The following WDR93 variants were observed in gnomAD, a reference collection of about 807,000 sequenced individuals.
WDR93 encodes the protein WD repeat domain 93.
Under a neutral mutation model 82.9 loss-of-function variants are expected in WDR93, and 73 were observed. The observed-to-expected ratio is 0.88, with a 90% CI of 0.73 to 1.07. The LOEUF is 1.07. Ranked by LOEUF, WDR93 falls within the 50% of genes least tolerant of loss-of-function variation. WDR93 has a pLI of 0.00. For missense variants in WDR93, 738 were observed against 826.0 expected (o/e 0.89, Z 1.31); for synonymous variants, 283 against 300.1 (o/e 0.94, Z 0.59).
chr15:89,723,929 G>A (rs1470136514), intron 8 of WDR93, among the ~76,000 whole-genome samples: 5 of 152,178 alleles, frequency 3.3e-5, no homozygotes, highest in African/African-American at 1.2e-4. Context: ...CCGGTGCAGT[G>A]GCTTATGTCT....
intron 6 of WDR93, among the ~76,000 whole-genome samples, chr15:89,715,461 A>G (rs1274660206): frequency 6.6e-6 from 1 of 152,148 alleles, no homozygotes. Context: ...ATTTTTCCAG[A>G]CTATGGTATA....
chr15:89,740,484 G>T (rs1967575186), intron 16 of WDR93, among the ~76,000 whole-genome samples: 1 of 151,996 alleles, frequency 6.6e-6, no homozygotes, highest in East Asian at 1.9e-4. Context: ...TCTTCACAGG[G>T]AGGGTTTTTG....
At chr15:89,704,311 GA>G (rs1255634948) in intron 3 of WDR93, 1 of 152,024 alleles carries the variant, frequency 6.6e-6, no homozygotes, top group East Asian at 1.9e-4. Context: ...ATGGGTGACA[GA>G]ATGAGACTCC....
intron 11 of WDR93, among the ~76,000 whole-genome samples, chr15:89,731,024 C>T (rs561283644): frequency 1.1e-4 from 16 of 152,238 alleles, no homozygotes; most frequent in African/African-American, 2.9e-4. Context: ...TCTTTTCTTC[C>T]GTCCCTTTCC....
intron 4 of WDR93, among the ~76,000 whole-genome samples, chr15:89,707,579 C>T (rs182037512): frequency 6.6e-6 from 1 of 151,560 alleles, no homozygotes; most frequent in African/African-American, 2.4e-5. Context: ...GACACAGACA[C>T]ACACACACAA....
intron 8 of WDR93, among the ~76,000 whole-genome samples, chr15:89,726,411 G>A (rs954391050): frequency 2.0e-5 from 3 of 152,166 alleles, no homozygotes; most frequent in African/African-American, 7.2e-5. Flanking sequence ...TGTATCATAC[G>A]ATATTATGTG....
intron 1 of WDR93, among the ~76,000 whole-genome samples, chr15:89,698,480 G>A (rs185816174): frequency 3.9e-5 from 6 of 152,050 alleles, no homozygotes; most frequent in African/African-American, 9.7e-5. Context: ...TGTTTGTCCC[G>A]TCTGTTCCTT....
At chr15:89,690,738 G>A (rs8029037), upstream of WDR93, 2 of 745,678 alleles carry the variant, frequency 2.7e-6, no homozygotes, top group Admixed American at 2.6e-5. Context: ...CGCTGAGGGG[G>A]AGGGGCTGAG....
In WDR93 at chr15:89,727,237, A is replaced by T. The variant is rs141771457; in HGVS notation, c.961A>T (p.Ile321Phe). The T allele has an allele frequency of 1.9e-5, 30 of 1,614,186 alleles. No homozygotes were observed. In the African/African-American group the frequency reaches 3.9e-4, roughly 21 times the overall value. Residue 321 changes from isoleucine to phenylalanine, a missense_variant, in exon 9 of 17, where the codon ATC becomes TTC. Physicochemically the swap from Ile to Phe is conservative, Grantham distance 21. Coordinates refer to ENST00000268130, the MANE Select transcript of WDR93 (RefSeq NM_020212.2). ...ACTGGGCTCCGGGCAGAATCATTTC[A>T]TCAAGGACAGTCAGTGGGAGCAGCA... ...YGLGSGQNHF[I>F]KDSQWEQQAE...
intron 1 of WDR93, among the ~76,000 whole-genome samples, chr15:89,698,157 T>C (rs1268750309): frequency 6.6e-6 from 1 of 152,158 alleles, no homozygotes; most frequent in African/African-American, 2.4e-5. Flanking sequence ...GTGCTGGGAT[T>C]ATAGGCATGA....
At chr15:89,740,753 C>T (rs1214228340) in intron 16 of WDR93, among the ~76,000 whole-genome samples, 2 of 152,256 alleles carry the variant, frequency 1.3e-5, no homozygotes, top group East Asian at 1.9e-4. Context: ...CTGCCTGCCT[C>T]GGCCTGCCAA....
At position 89,733,233 on chromosome 15, in the gene WDR93, G is replaced by T. The variant is rs751285227; in HGVS notation, c.1544+14G>T. 1 of 1,604,940 alleles carries T rather than the reference G, an allele frequency of 6.2e-7. No homozygotes were observed. The highest frequency in any genetic ancestry group is 1.1e-5 in the South Asian group (1 of 90,312). ...GCTTGTTGAGAGGTCAGTAGCTTGA[G>T]GGTGGGACGGGGTAAATAATTGGCC... On this transcript the variant is annotated intron_variant, in intron 13 of 16. Coordinates refer to ENST00000268130, the MANE Select transcript of WDR93 (RefSeq NM_020212.2).
upstream of WDR93, chr15:89,690,600 G>A (rs753869535): frequency 8.4e-6 from 13 of 1,551,316 alleles, no homozygotes; most frequent in African/African-American, 4.1e-5. Flanking sequence ...CCCGGCCCTG[G>A]GTCTGGTTGG....
intron 13 of WDR93, among the ~76,000 whole-genome samples, chr15:89,735,166 C>T (rs1173021534): frequency 6.6e-5 from 10 of 152,138 alleles, no homozygotes; most frequent in Non-Finnish European, 1.5e-5. Flanking sequence ...GCCACTGCAC[C>T]CAGCCTCCAA....
chr15:89,735,480 T>C lies in WDR93; in HGVS notation c.1545-10T>C, dbSNP rs775518987. On this transcript the variant is annotated splice_polypyrimidine_tract_variant and intron_variant, in intron 13 of 16. Coordinates refer to ENST00000268130, the MANE Select transcript of WDR93 (RefSeq NM_020212.2). ...AGTAGGAGAATGTCTGTATATTTTC[T>C]GTCCTATAGGCCTGTAAAGCACCTG... 4 of 1,613,712 alleles carry C rather than the reference T, an allele frequency of 2.5e-6. No homozygotes were observed. The highest frequency in any genetic ancestry group is 2.5e-6 in the Non-Finnish European group (3 of 1,179,742).
chr15:89,700,530 G>T (rs1054561002), intron 1 of WDR93, among the ~76,000 whole-genome samples: 1 of 147,698 alleles, frequency 6.8e-6, no homozygotes, highest in Non-Finnish European at 1.5e-5. Flanking sequence ...ACATATGAAA[G>T]CCTTTTTATA....
intron 12 of WDR93, among the ~76,000 whole-genome samples, chr15:89,731,972 A>G (rs1450121121): frequency 6.6e-6 from 1 of 152,174 alleles, no homozygotes; most frequent in Non-Finnish European, 1.5e-5. Context: ...ATCCCCAGTC[A>G]GCGCAAACTC....
At chr15:89,705,135 T>C in intron 3 of WDR93, 1 of 174,716 alleles carries the variant, frequency 5.7e-6, no homozygotes, top group South Asian at 1.4e-4. Flanking sequence ...GCAAGACACA[T>C]GGAACAGTGA....
At position 89,743,328 on chromosome 15, in the gene WDR93, G is replaced by A. The variant is rs1181144214; in HGVS notation, c.1998G>A (p.Glu666=). 2.5e-6 allele frequency: 4 copies of A among 1,614,212 alleles called. No homozygotes were observed. Among genetic ancestry groups the A allele is most frequent in the South Asian group, 1.1e-5 (1 of 91,084 alleles). ...RKLEKNPEKE[E]EHWARLQRYS... The stretch of plus-strand genomic sequence containing the variant: ...TGGAGAAGAACCCAGAGAAGGAGGA[G>A]GAGCACTGGGCCCGGCTTCAGAGGT... Residue 666 remains glutamate (E), a synonymous_variant, in exon 17 of 17, where the codon GAG becomes GAA. Coordinates refer to ENST00000268130, the MANE Select transcript of WDR93 (RefSeq NM_020212.2).
Sources: allele counts gnomAD v4.1 joint callset (sites outside exome capture counted in the v4.1 genomes callset), GRCh38; gene constraint gnomAD v4.1.1; transcripts MANE v1.5; gene names NCBI Gene and HGNC (gene_info 2026-07-23, HGNC 2026-07-21).